FBH1: variants seen among roughly 807,000 people sequenced by gnomAD.
FBH1 encodes the protein DNA 3'-5' helicase 1.
A neutral mutation model predicts 115.5 loss-of-function variants in FBH1; 43 were observed. The observed-to-expected ratio is 0.37, with a 90% CI of 0.29 to 0.48. The LOEUF is 0.48. Ranked by LOEUF, FBH1 falls within the 20% of genes least tolerant of loss-of-function variation. The pLI, the probability that FBH1 is intolerant of heterozygous loss-of-function variation, is 0.99. For synonymous variants in FBH1, 524 were observed against 507.8 expected (o/e 1.03, Z -0.43); for missense variants, 1,001 against 1,337.3 (o/e 0.75, Z 3.92).
Position 5,916,315 on chromosome 10 carries a change from ATTCAT to A in FBH1, c.1648_1652del (p.Phe550LysfsTer7). 1 of 1,614,228 alleles carries A rather than the reference ATTCAT, an allele frequency of 6.2e-7. No homozygotes were observed. The highest frequency in any genetic ancestry group is 8.5e-7 in the Non-Finnish European group (1 of 1,180,052). On this transcript the variant is annotated frameshift_variant, in exon 10 of 21. Transcript: ENST00000362091. LOFTEE classifies it high-confidence loss of function. Reference sequence around the variant, plus strand: ...CCGTCCTTGCTGAAGGGAAGGGTGGATTCATAAGAGCCAAGCTTGTGTGTAAGACT... The same window carrying A: ...CCGTCCTTGCTGAAGGGAAGGGTGGAAAGAGCCAAGCTTGTGTGTAAGACT...
Position 5,923,022 on chromosome 10 carries a change from A to G in FBH1, c.2323-599A>G, listed in dbSNP as rs772216564. On this transcript the variant is annotated intron_variant, in intron 15 of 20. Transcript: ENST00000362091. This position sits in a 1 kb window ranked among gnomAD's most constrained non-coding sequence, Gnocchi z 5.7. ...CTCGGCCTCCTGACTAGCTGGGACC[A>G]TAGGCGCCTGCCACCACACCCGGCT... Among the ~76,000 whole-genome samples, 1 of 152,092 alleles carries G rather than the reference A, an allele frequency of 6.6e-6. No individual in the cohort carries two copies. Among genetic ancestry groups the G allele is most frequent in the African/African-American group, 2.4e-5 (1 of 41,404 alleles).
Position 5,923,833 on chromosome 10 carries a change from C to A in FBH1, c.2398+137C>A. The A allele has an allele frequency of 1.3e-6, 1 of 767,032 alleles. No individual in the cohort carries two copies. The highest frequency in any genetic ancestry group is 2.1e-6 in the Non-Finnish European group (1 of 476,622). 47.5% of individuals were successfully genotyped at this position (767,032 alleles called of 1,614,324 possible). A position where few individuals can be genotyped will look rare whatever the true frequency, so the allele number is the denominator to read the frequency against. ...AGCTAGTGTTGCTGTCTTCCCATGA[C>A]GAGGGGGGTGCCTCGGGCCTCCTGT... On this transcript the variant is annotated intron_variant, in intron 16 of 20. Transcript: ENST00000362091. This position sits in a 1 kb window ranked among gnomAD's most constrained non-coding sequence, Gnocchi z 5.7.
intron 9 of FBH1, 191 bp from the exon 10 acceptor site, chr10:5,916,043 A>G (rs1345750039): frequency 1.7e-6 from 1 of 597,276 alleles, no homozygotes; most frequent in African/African-American, 1.9e-5. Context: ...CTGGGTTGGT[A>G]CATGTGAGTC....
chr10:5,919,114 A>G (rs1832157625), intron 13 of FBH1, among the ~76,000 whole-genome samples: 2 of 152,220 alleles, frequency 1.3e-5, no homozygotes, highest in South Asian at 4.1e-4. Flanking sequence ...AAAATGGAAC[A>G]TGGTGCCACT....
In FBH1 at chr10:5,925,511, G is replaced by T. The variant is rs1193935398; in HGVS notation, c.2722+19G>T. On this transcript the variant is annotated intron_variant, in intron 18 of 20. Coordinates refer to ENST00000362091, the MANE Select transcript of FBH1 (RefSeq NM_178150.3). This position sits in a 1 kb window ranked among gnomAD's most constrained non-coding sequence, Gnocchi z 4.6. ...AGAGTTGGTAAGAGGCCGCCGGGTA[G>T]TGTCAGGTGCTGCTGTATGTAGTGA... 6.2e-7 allele frequency: 1 copy of T among 1,612,814 alleles called. No individual in the cohort carries two copies. The highest frequency in any genetic ancestry group is 1.3e-5 in the African/African-American group (1 of 74,912).
At position 5,917,722 on chromosome 10, in the gene FBH1, A is replaced by G. The variant is rs376267348; in HGVS notation, c.1963+46A>G. 5 of 1,449,258 alleles carry G rather than the reference A, an allele frequency of 3.5e-6. No homozygotes were observed. The highest frequency in any genetic ancestry group is 4.8e-6 in the Non-Finnish European group (5 of 1,037,390). 89.8% of individuals were successfully genotyped at this position (1,449,258 alleles called of 1,614,324 possible). ...TCAGTAGTGTCAAATACGTAGAAAC[A>G]GCGCCATGATTATGTAAGAGGACAC... On this transcript the variant is annotated intron_variant, in intron 12 of 20. Transcript: ENST00000362091. The surrounding 1 kb of genome is among the most constrained non-coding windows in gnomAD (Gnocchi z 5.6).
In FBH1 at chr10:5,909,236, TC is replaced by T; in HGVS notation, c.966del (p.Glu323ArgfsTer36). 6.2e-7 allele frequency: 1 copy of T among 1,613,266 alleles called. No homozygotes were observed. ...TGGAGTCTGAGGGACCACCCCCTCC[TC>T]CCCGAGGCTGAGGCGTGTGTGCGGC... The part of the protein sequence containing the change: ...VLWSLRDHPL[L>X]PEAEACVRQH... On this transcript the variant is annotated frameshift_variant, in exon 5 of 21. Coordinates refer to ENST00000362091, the MANE Select transcript of FBH1 (RefSeq NM_178150.3). LOFTEE classifies it high-confidence loss of function. This position sits in a 1 kb window ranked among gnomAD's most constrained non-coding sequence, Gnocchi z 4.4.
At position 5,915,409 on chromosome 10, in the gene FBH1, G is replaced by C. The variant is rs748395491; in HGVS notation, c.1403G>C (p.Gly468Ala). The C allele has an allele frequency of 6.2e-7, 1 of 1,614,144 alleles. No individual in the cohort carries two copies. Among genetic ancestry groups the C allele is most frequent in the South Asian group, 1.1e-5 (1 of 91,084 alleles). Reference sequence around the variant, plus strand: ...TTCCTCCTGGCTTCCCCAGGCACTGGGAAGACCTCAACGCTGGTCAAGTAT... The same window carrying C: ...TTCCTCCTGGCTTCCCCAGGCACTGCGAAGACCTCAACGCTGGTCAAGTAT... ...VVKIMAFAGTGKTSTLVKYAE... is the reference protein window; with the variant it reads ...VVKIMAFAGTAKTSTLVKYAE... Residue 468 changes from glycine (G) to alanine (A), a missense_variant, in exon 9 of 21, where the codon GGG (glycine) becomes GCG (alanine). Physicochemically the swap from Gly to Ala is moderately conservative, Grantham distance 60. Coordinates refer to ENST00000362091, the MANE Select transcript of FBH1 (RefSeq NM_178150.3). This position sits in a 1 kb window ranked among gnomAD's most constrained non-coding sequence, Gnocchi z 5.2.
At position 5,897,338 on chromosome 10, in the gene FBH1, A is replaced by C. The variant is rs996026998; in HGVS notation, c.2-5682A>C. On this transcript the variant is annotated intron_variant, in intron 1 of 20. Transcript: ENST00000362091. The surrounding 1 kb of genome is among the most constrained non-coding windows in gnomAD (Gnocchi z 4.7). ...CACCCCACAGCCTCGGAGGGGCTTT[A>C]AGGGAACATTAAGTGTAAAGCGTGT... 6.6e-5 allele frequency among the ~76,000 whole-genome samples: 10 copies of C among 152,240 alleles called. No homozygotes were observed. Among genetic ancestry groups the C allele is most frequent in the Admixed American group, 1.3e-4 (2 of 15,294 alleles).
chr10:5,936,724 AC>A lies in FBH1; in HGVS notation c.2961+138del. ...ATTAGGGGCTTTTCATATGAGAGGCACAAGAGGTGTGTGGTCTGTCCCAGGG... is the reference window on the plus strand; with the variant it reads ...ATTAGGGGCTTTTCATATGAGAGGCAAAGAGGTGTGTGGTCTGTCCCAGGG... On this transcript the variant is annotated intron_variant, in intron 20 of 20. Transcript: ENST00000362091. This position sits in a 1 kb window ranked among gnomAD's most constrained non-coding sequence, Gnocchi z 5.6. 8.8e-7 allele frequency: 1 copy of A among 1,139,248 alleles called. No individual in the cohort carries two copies. The highest frequency in any genetic ancestry group is 1.3e-6 in the Non-Finnish European group (1 of 799,336). 70.6% of individuals were successfully genotyped at this position (1,139,248 alleles called of 1,614,324 possible).
rs1315228147 is a variant in FBH1, at chr10:5,909,924, TGA to T, written c.1020+634_1020+635del. On this transcript the variant is annotated intron_variant, in intron 5 of 20. Transcript: ENST00000362091. The surrounding 1 kb of genome is among the most constrained non-coding windows in gnomAD (Gnocchi z 4.4). ...GTCTTCTTTCACAGGATGGTTGAAG[TGA>T]GAGGGGATGGGATGTTCCTTTCTTG... Among the ~76,000 whole-genome samples, 1 of 152,160 alleles carries T rather than the reference TGA, an allele frequency of 6.6e-6. No individual in the cohort carries two copies. The highest frequency in any genetic ancestry group is 6.5e-5 in the Admixed American group (1 of 15,272).
In FBH1 at chr10:5,917,487, C is replaced by T. The variant is rs777371692; in HGVS notation, c.1856C>T (p.Ala619Val). 13 of 1,614,076 alleles carry T rather than the reference C, an allele frequency of 8.1e-6. 1 individual carries two copies. Among genetic ancestry groups the T allele is most frequent in the African/African-American group, 1.3e-5 (1 of 74,950 alleles). Reference protein sequence around the residue: ...MRKLGECTEEAHQMTHDGYLK... With the variant: ...MRKLGECTEEVHQMTHDGYLK... The stretch of plus-strand genomic sequence containing the variant: ...AAGCTGGGGGAGTGCACAGAAGAGG[C>T]GCACCAGATGACTCATGACGGTAGG... The change falls in exon 11 of 21, where the codon GCG becomes GTG. Residue 619 changes from alanine (A) to valine (V), a missense_variant. Around this residue, in one of 4 missense-constraint regions of FBH1, gnomAD observed 521 missense variants for 811.0 expected, o/e 0.64. Transcript: ENST00000362091. The surrounding 1 kb of genome is among the most constrained non-coding windows in gnomAD (Gnocchi z 5.6).
At chr10:5,894,358 T>C (rs1842893469) in intron 1 of FBH1, 3 of 1,570,622 alleles carry the variant, frequency 1.9e-6, no homozygotes, top group Non-Finnish European at 8.6e-7. Context: ...AAATGTAATA[T>C]GGAAATTAAA....
At position 5,933,657 on chromosome 10, in the gene FBH1, T is replaced by A. The variant is rs987791237; in HGVS notation, c.2830-2799T>A. On this transcript the variant is annotated intron_variant, in intron 19 of 20. Coordinates refer to ENST00000362091, the MANE Select transcript of FBH1 (RefSeq NM_178150.3). The surrounding 1 kb of genome is among the most constrained non-coding windows in gnomAD (Gnocchi z 4.9). Reference sequence around the variant, plus strand: ...GCACTCTGCTGTTTTTTTTTTTTTTTTAAAAAACAGAGTCTCACTCTGTCG... The same window carrying A: ...GCACTCTGCTGTTTTTTTTTTTTTTATAAAAAACAGAGTCTCACTCTGTCG... Among the ~76,000 whole-genome samples, 10 of 148,614 alleles carry A rather than the reference T, an allele frequency of 6.7e-5. No individual in the cohort carries two copies. The East Asian group carries it at 7.8e-4, about 12-fold the overall frequency.
intron 2 of FBH1, among the ~76,000 whole-genome samples, chr10:5,904,266 C>T (rs1843561299): frequency 6.6e-6 from 1 of 152,066 alleles, no homozygotes; most frequent in Admixed American, 6.5e-5. Context: ...CTCCTGGGCT[C>T]AAGAGACCCA....
In FBH1 at chr10:5,900,332, G is replaced by A. The variant is rs568217158; in HGVS notation, c.2-2688G>A. On this transcript the variant is annotated intron_variant, in intron 1 of 20. Transcript: ENST00000362091. This position sits in a 1 kb window ranked among gnomAD's most constrained non-coding sequence, Gnocchi z 4.2. ...ACTTATCAGACTTAGATGAGATTGG[G>A]CGCGTTCAGGGTGGTATGGCCGTAG... 1.3e-5 allele frequency among the ~76,000 whole-genome samples: 2 copies of A among 152,314 alleles called. No homozygotes were observed. The highest frequency in any genetic ancestry group is 4.8e-5 in the African/African-American group (2 of 41,578).
Position 5,935,074 on chromosome 10 carries a change from TGTTAG to T in FBH1, c.2830-1377_2830-1373del, listed in dbSNP as rs1833243107. 6.6e-6 allele frequency: 1 copy of T among 152,234 alleles called. No individual in the cohort carries two copies. The allele number at this position is 152,234 out of a possible 1,614,324, so 9.4% of individuals were successfully genotyped here. A position where few individuals can be genotyped will look rare whatever the true frequency, so the allele number is the denominator to read the frequency against. ...TCTAAAGAAATCAGAGAACACTGCA[TGTTAG>T]GTTAAGTCATGTTTTGTGAAACTTT... is the stretch of plus-strand genomic sequence containing the variant. On this transcript the variant is annotated intron_variant, in intron 19 of 20. Transcript: ENST00000362091. The surrounding 1 kb of genome is among the most constrained non-coding windows in gnomAD (Gnocchi z 5.2).
intron 3 of FBH1, among the ~76,000 whole-genome samples, chr10:5,907,025 C>A (rs544086141): frequency 6.6e-6 from 1 of 151,890 alleles, no homozygotes; most frequent in East Asian, 1.9e-4. Flanking sequence ...TGCAGTGGCA[C>A]GATCCTGACT....
chr10:5,904,458 C>T (rs1220131255), intron 2 of FBH1, among the ~76,000 whole-genome samples: 1 of 152,278 alleles, frequency 6.6e-6, no homozygotes, highest in East Asian at 1.9e-4. Flanking sequence ...AAGTCTGTTT[C>T]TTCTCTATTT....
Sources: gnomAD v4.1 joint callset for allele counts (sites outside exome capture counted in the v4.1 genomes callset) on GRCh38, gnomAD v4.1.1 for gene constraint, gnomAD v4.1.1 regional missense constraint, Gnocchi (gnomAD v3.1) non-coding constraint, MANE v1.5 for transcripts, NCBI Gene and HGNC (gene_info 2026-07-23, HGNC 2026-07-21) for gene names.